Variants in CCDC144A observed in about 807,000 individuals in gnomAD.
CCDC144A encodes the protein coiled-coil domain containing 144A.
Under a neutral mutation model 143.8 loss-of-function variants are expected in CCDC144A, and 41 were observed. The observed-to-expected ratio is 0.29, with a 90% CI of 0.22 to 0.37. CCDC144A has a LOEUF of 0.37. CCDC144A is among the 10% of genes least tolerant of loss of function. CCDC144A has a pLI of 1.00. For synonymous variants in CCDC144A, 242 were observed against 517.9 expected (o/e 0.47, Z 7.23); for missense variants, 637 against 1,488.8 (o/e 0.43, Z 9.41).
chr17:16,678,356 T>C, the CCDC144A span, among the ~76,000 whole-genome samples: 1 of 152,058 alleles, frequency 6.6e-6, no homozygotes, highest in Admixed American at 6.6e-5. Context: ...AGCAACTTGA[T>C]AAACAAGATC....
intron 5 of CCDC144A, 120 bp from the exon 6 acceptor site, chr17:16,711,559 A>C: frequency 6.7e-7 from 1 of 1,481,568 alleles, no homozygotes; most frequent in South Asian, 1.2e-5. Context: ...CAAATATTTT[A>C]ATGACTGAAA....
At chr17:16,766,224 T>C (rs1011993543) in intron 15 of CCDC144A, 1 of 152,346 alleles carries the variant, frequency 6.6e-6, no homozygotes, top group African/African-American at 2.4e-5. Flanking sequence ...CTTTTGAGTT[T>C]CTGATTAGCT....
intron 12 of CCDC144A, chr17:16,746,486 T>G: frequency 1.2e-6 from 2 of 1,613,672 alleles, no homozygotes; most frequent in South Asian, 2.2e-5. Context: ...AGTCTCAGGG[T>G]TGGCACTGGT....
At chr17:16,761,353 T>G in intron 12 of CCDC144A, 72 bp from the exon 13 acceptor site, 1 of 1,451,214 alleles carries the variant, frequency 6.9e-7, no homozygotes, top group Non-Finnish European at 9.2e-7. Flanking sequence ...AAAAAAAAAA[T>G]TATTAGTTTT....
the CCDC144A span, among the ~76,000 whole-genome samples, chr17:16,680,520 C>T: frequency 6.6e-6 from 1 of 150,482 alleles, no homozygotes; most frequent in Non-Finnish European, 1.5e-5. Context: ...TGCACTCCAG[C>T]CTGGGCAACA....
chr17:16,689,938 T>C (rs1322380373), upstream of CCDC144A: 2 of 153,630 alleles, frequency 1.3e-5, no homozygotes, highest in Non-Finnish European at 2.9e-5. Flanking sequence ...GCGGCACTCA[T>C]GACAGGCAGG....
chr17:16,758,045 T>G (rs574140459), intron 12 of CCDC144A, among the ~76,000 whole-genome samples: 32 of 152,358 alleles, frequency 2.1e-4, no homozygotes, highest in Non-Finnish European at 4.4e-4. Context: ...CTTGCTGTTT[T>G]GGTTTTTCTT....
At chr17:16,696,757 G>T (rs1038164937) in intron 2 of CCDC144A, among the ~76,000 whole-genome samples, 1 of 151,960 alleles carries the variant, frequency 6.6e-6, no homozygotes, top group Admixed American at 6.6e-5. Flanking sequence ...CTAACTAACA[G>T]TGGCTAAAAC....
the CCDC144A span, among the ~76,000 whole-genome samples, chr17:16,679,072 GT>G: frequency 1.2e-4 from 16 of 138,590 alleles, no homozygotes; most frequent in African/African-American, 4.1e-4. Flanking sequence ...TTTTGTTGTT[GT>G]TTTTGTAGAG....
rs1169963637 is a variant in CCDC144A, at chr17:16,746,286, T to G, written c.3372+10643T>G. On this transcript the variant is annotated intron_variant, in intron 12 of 16. Transcript: ENST00000399273. ...CTCTCTCTCTCTTTTTTTTTTTTTT[T>G]GCATCTTTCTTCTTTTCTTCTTTTT... 18 of 1,201,138 alleles carry G rather than the reference T, an allele frequency of 1.5e-5. No homozygotes were observed. The African/African-American group carries it at 2.1e-4, about 14-fold the overall frequency. 74.4% of individuals were successfully genotyped at this position (1,201,138 alleles called of 1,614,324 possible).
upstream of CCDC144A, among the ~76,000 whole-genome samples, chr17:16,686,091 G>GTTTTT (rs67135656): frequency 5.2e-5 from 6 of 114,706 alleles, no homozygotes; most frequent in Non-Finnish European, 7.3e-5. Flanking sequence ...TGTTTTTTTT[G>GTTTTT]TTTTTTTTTT....
intron 16 of CCDC144A, 75 bp from the exon 17 acceptor site, chr17:16,773,422 T>C (rs1915898369): frequency 2.0e-6 from 3 of 1,494,812 alleles, no homozygotes; most frequent in South Asian, 1.3e-5. Flanking sequence ...CACTCCAGCA[T>C]AGGTGAAAGA....
chr17:16,757,963 A>G (rs1454542691), intron 12 of CCDC144A, among the ~76,000 whole-genome samples: 2 of 152,236 alleles, frequency 1.3e-5, no homozygotes, highest in Non-Finnish European at 1.5e-5. Flanking sequence ...CTGTCATCAG[A>G]GGATCCCTAT....
intron 12 of CCDC144A, among the ~76,000 whole-genome samples, chr17:16,742,776 G>A (rs1318844004): frequency 6.6e-6 from 1 of 151,992 alleles, no homozygotes; most frequent in East Asian, 1.9e-4. Context: ...GTGGTGAGAC[G>A]ATATCTTATT....
chr17:16,754,649 T>C (rs986538967), intron 12 of CCDC144A, among the ~76,000 whole-genome samples: 1 of 152,250 alleles, frequency 6.6e-6, no homozygotes, highest in African/African-American at 2.4e-5. Flanking sequence ...ACTCAATATA[T>C]GGTCTATTCT....
chr17:16,775,158 T>C lies in CCDC144A; in HGVS notation c.*1525T>C, dbSNP rs1328879475. On this transcript the variant is annotated 3_prime_UTR_variant, in exon 17 of 17. Coordinates refer to ENST00000399273, the MANE Select transcript of CCDC144A (RefSeq NM_001382000.1). Reference sequence around the variant, plus strand: ...TCTTTGTCTTTGCTATTGTGAATAGTGCTGCAATGAACATACGTGTGCGTG... The same window carrying C: ...TCTTTGTCTTTGCTATTGTGAATAGCGCTGCAATGAACATACGTGTGCGTG... 3.3e-5 allele frequency: 5 copies of C among 152,318 alleles called. No individual in the cohort carries two copies. In the East Asian group the frequency reaches 9.6e-4, roughly 29 times the overall value. The allele number at this position is 152,318 out of a possible 1,614,324, so 9.4% of individuals were successfully genotyped here.
At position 16,708,890 on chromosome 17, in the gene CCDC144A, T is replaced by C; in HGVS notation, c.833T>C (p.Met278Thr). 1 of 1,611,684 alleles carries C rather than the reference T, an allele frequency of 6.2e-7. No individual in the cohort carries two copies. The highest frequency in any genetic ancestry group is 8.5e-7 in the Non-Finnish European group (1 of 1,179,692). Residue 278 changes from methionine (M) to threonine (T), a missense_variant, in exon 5 of 17, where the codon ATG becomes ACG. Physicochemically the swap from Met to Thr is moderately conservative, Grantham distance 81 (BLOSUM62 -1). Transcript: ENST00000399273. ...VLPHVQKSEE[M>T]WIEQGKLEWK... ...CCTCATGTGCAAAAATCTGAGGAAA[T>C]GTGGATTGAACAAGGCAAATTAGAG...
chr17:16,763,981 G>A lies in CCDC144A; in HGVS notation c.3904G>A (p.Ala1302Thr). 6.2e-7 allele frequency: 1 copy of A among 1,610,408 alleles called. No homozygotes were observed. Among genetic ancestry groups the A allele is most frequent in the Non-Finnish European group, 8.5e-7 (1 of 1,179,086 alleles). Residue 1302 changes from alanine to threonine, a missense_variant, in exon 15 of 17, where the codon GCA becomes ACA. Coordinates refer to ENST00000399273, the MANE Select transcript of CCDC144A (RefSeq NM_001382000.1). ...TCTTCATAGAACTAATGAGATGATAGCAGAGGTCAGTACGCAACTTACTGT... is the reference window on the plus strand; with the variant it reads ...TCTTCATAGAACTAATGAGATGATAACAGAGGTCAGTACGCAACTTACTGT... ...NELSRTNEMI[A>T]EVSTQLTVEK...
chr17:16,755,997 A>G (rs1323025880), intron 12 of CCDC144A, among the ~76,000 whole-genome samples: 3 of 152,162 alleles, frequency 2.0e-5, no homozygotes, highest in African/African-American at 7.2e-5. Flanking sequence ...ATGCTATTTG[A>G]TATGGATTCC....
Sources: gnomAD v4.1 joint callset for allele counts (sites outside exome capture counted in the v4.1 genomes callset) on GRCh38, gnomAD v4.1.1 for gene constraint, MANE v1.5 for transcripts, NCBI Gene and HGNC (gene_info 2026-07-23, HGNC 2026-07-21) for gene names.